Variants in CFAP43 observed in about 807,000 individuals in gnomAD.
The protein encoded by CFAP43 is cilia and flagella associated protein 43.
Under a neutral mutation model 218.9 loss-of-function variants are expected in CFAP43, and 155 were observed. The observed-to-expected ratio is 0.71, with a 90% CI of 0.62 to 0.81. The LOEUF (loss-of-function observed/expected upper bound fraction) is 0.81. Ranked by LOEUF, CFAP43 falls within the 30% of genes least tolerant of loss-of-function variation. CFAP43 has a pLI of 0.00. For missense variants in CFAP43, 1,778 were observed against 1,954.3 expected (o/e 0.91, Z 1.70); for synonymous variants, 645 against 681.3 (o/e 0.95, Z 0.83).
intron 11 of CFAP43, chr10:104,193,141 C>A (rs965423929): frequency 6.6e-6 from 1 of 152,258 alleles, no homozygotes. Flanking sequence ...AAGTCCAAAT[C>A]TAATGTCTCT....
At chr10:104,206,105 A>G in intron 6 of CFAP43, 75 bp from the exon 7 acceptor site, 4 of 1,127,774 alleles carry the variant, frequency 3.5e-6, no homozygotes, top group Non-Finnish European at 5.2e-6. Context: ...AATAAAAGCT[A>G]CTTTTACTGA....
intron 23 of CFAP43, 58 bp from the exon 24 acceptor site, chr10:104,164,358 T>C: frequency 1.5e-6 from 2 of 1,294,886 alleles, no homozygotes; most frequent in Admixed American, 2.3e-5. Context: ...ACTGGTAACA[T>C]GATCCCACAA....
chr10:104,173,317 G>A (rs2089485007), intron 19 of CFAP43, among the ~76,000 whole-genome samples: 1 of 152,178 alleles, frequency 6.6e-6, no homozygotes, highest in Non-Finnish European at 1.5e-5. Flanking sequence ...TCCTTCAGGA[G>A]CATGAAAACT....
At chr10:104,213,962 A>C (rs1280980916) in intron 4 of CFAP43, among the ~76,000 whole-genome samples, 1 of 152,250 alleles carries the variant, frequency 6.6e-6, no homozygotes, top group African/African-American at 2.4e-5. Context: ...AAGGACAAAT[A>C]AAATTTTAGA....
chr10:104,231,464 A>G (rs2091446253), intron 1 of CFAP43, among the ~76,000 whole-genome samples: 1 of 152,232 alleles, frequency 6.6e-6, no homozygotes. Flanking sequence ...TGCTAGGTGT[A>G]TGCTAGAAAG....
intron 35 of CFAP43, 42 bp downstream of exon 35, chr10:104,133,578 T>C: frequency 6.4e-7 from 1 of 1,569,928 alleles, no homozygotes; most frequent in Non-Finnish European, 8.6e-7. Flanking sequence ...AATACATTAA[T>C]GAATAAAATT....
chr10:104,199,846 CCCA>C (rs1220606135), intron 8 of CFAP43, among the ~76,000 whole-genome samples: 1 of 152,088 alleles, frequency 6.6e-6, no homozygotes. Flanking sequence ...GTAACAAAAC[CCCA>C]CCAAGAGTTT....
intron 6 of CFAP43, 46 bp downstream of exon 6, chr10:104,207,619 C>G: frequency 6.5e-7 from 1 of 1,541,980 alleles, no homozygotes; most frequent in Non-Finnish European, 8.7e-7. Context: ...CCAAAAAAAC[C>G]AACACCCATG....
rs1200752520 is a variant in CFAP43 at position 104,230,682 on chromosome 10, G to A, written c.227C>T (p.Pro76Leu). 6.2e-7 allele frequency: 1 copy of A among 1,613,958 alleles called. No individual in the cohort carries two copies. Among genetic ancestry groups the A allele is most frequent in the Non-Finnish European group, 8.5e-7 (1 of 1,179,988 alleles). ...GIVGVMATNI[P>L]CEVVAFSDRK... ...GTCAGAAAAAGCCACAACTTCACAG[G>A]GGATGTTAGTTGCCATGACGCCCAC... Residue 76 changes from proline (P) to leucine (L), a missense_variant, in exon 2 of 38, where the codon CCC becomes CTC. Physicochemically the swap from Pro to Leu is moderately conservative, Grantham distance 98. Coordinates refer to ENST00000357060, the MANE Select transcript of CFAP43 (RefSeq NM_025145.7).
Position 104,130,105 on chromosome 10 carries a change from A to T in CFAP43, c.*34T>A, listed in dbSNP as rs757893684. On this transcript the variant is annotated 3_prime_UTR_variant, in exon 38 of 38. Transcript: ENST00000357060. ...CCCAAATGAAATGATTTTTTAAATG[A>T]TTGATTTGGCCTTGTGTTTTCCTGC... The T allele has an allele frequency of 5.2e-6, 8 of 1,539,312 alleles. No homozygotes were observed. The Admixed American group carries it at 1.2e-4, about 23-fold the overall frequency.
At chr10:104,142,429 TG>T in intron 32 of CFAP43, 36 bp from the exon 33 acceptor site, 1 of 1,539,472 alleles carries the variant, frequency 6.5e-7, no homozygotes. Flanking sequence ...TCAGAACATA[TG>T]GAGCTTCAAT....
chr10:104,154,458 G>GAA (rs1421532131), intron 27 of CFAP43, among the ~76,000 whole-genome samples: 1 of 152,014 alleles, frequency 6.6e-6, no homozygotes. Flanking sequence ...AAACAAATAT[G>GAA]AAAAAAACAC....
intron 34 of CFAP43, among the ~76,000 whole-genome samples, chr10:104,139,257 G>GT (rs1206295428): frequency 6.6e-5 from 10 of 152,190 alleles, no homozygotes; most frequent in African/African-American, 2.4e-4. Context: ...TGACACGTGT[G>GT]TAATTGGAAT....
chr10:104,229,659 G>C (rs2091397132), intron 2 of CFAP43, among the ~76,000 whole-genome samples: 1 of 152,068 alleles, frequency 6.6e-6, no homozygotes, highest in Non-Finnish European at 1.5e-5. Flanking sequence ...GCCAGACTCT[G>C]TTAAAATAAA....
intron 3 of CFAP43, chr10:104,218,790 G>A (rs1397072348): frequency 3.6e-6 from 2 of 549,668 alleles, no homozygotes; most frequent in East Asian, 4.5e-5. Flanking sequence ...GTGGTTTAGG[G>A]TTCCTCTGCT....
intron 1 of CFAP43, 104 bp from the exon 2 acceptor site, chr10:104,230,947 A>G (rs2091434703): frequency 1.6e-6 from 2 of 1,286,788 alleles, no homozygotes; most frequent in African/African-American, 3.0e-5. Context: ...TTCTATTTTC[A>G]TGTCCTTTCT....
In CFAP43 at chr10:104,230,693, T is replaced by C. The variant is rs1305337322; in HGVS notation, c.216A>G (p.Ala72=). The change falls in exon 2 of 38, where the codon GCA becomes GCG. Residue 72 remains alanine, a synonymous_variant. Transcript: ENST00000357060. ...CCACAACTTCACAGGGGATGTTAGT[T>C]GCCATGACGCCCACAATTCCATTAC... The part of the protein sequence containing the change: ...QCSNGIVGVM[A]TNIPCEVVAF... 6.2e-7 allele frequency: 1 copy of C among 1,614,104 alleles called. No individual in the cohort carries two copies. Among genetic ancestry groups the C allele is most frequent in the Non-Finnish European group, 8.5e-7 (1 of 1,180,006 alleles).
chr10:104,202,714 A>G (rs960787429), intron 8 of CFAP43, among the ~76,000 whole-genome samples: 10 of 151,078 alleles, frequency 6.6e-5, no homozygotes, highest in African/African-American at 2.4e-4. Flanking sequence ...TAGAAGTTCT[A>G]TTTGGGTCTT....
rs2089165556 is a variant in CFAP43 at position 104,166,579 on chromosome 10, C to T, written c.2948G>A (p.Ser983Asn). The T allele has an allele frequency of 6.2e-7, 1 of 1,614,024 alleles. No homozygotes were observed. The highest frequency in any genetic ancestry group is 1.3e-5 in the African/African-American group (1 of 74,910). ...NLPNYLLGSL[S>N]TDFGVDTSLL... is the part of the protein sequence containing the mutation. ...AGAGGTATCTACCCCAAAATCAGTA[C>T]TCAGACTACCAAGCAGGTAATTGGG... is the stretch of plus-strand genomic sequence containing the variant. The change falls in exon 23 of 38, where the codon AGT becomes AAT. Residue 983 changes from serine (S) to asparagine (N), a missense_variant. Coordinates refer to ENST00000357060, the MANE Select transcript of CFAP43 (RefSeq NM_025145.7).
Sources: gnomAD v4.1 joint callset for allele counts (sites outside exome capture counted in the v4.1 genomes callset) on GRCh38, gnomAD v4.1.1 for gene constraint, MANE v1.5 for transcripts, NCBI Gene and HGNC (gene_info 2026-07-23, HGNC 2026-07-21) for gene names.